The following SLC8A1 variants were observed in gnomAD, a reference collection of about 807,000 sequenced individuals.
SLC8A1 encodes sodium/calcium exchanger 1.
A neutral mutation model predicts 68.3 loss-of-function variants in SLC8A1; 18 were observed. The observed-to-expected ratio is 0.26, with a 90% CI of 0.18 to 0.39. The LOEUF (loss-of-function observed/expected upper bound fraction) is 0.39, where lower values mean the gene tolerates loss of function less well. Ranked by LOEUF, SLC8A1 falls within the 10% of genes least tolerant of loss-of-function variation. SLC8A1 has a pLI of 1.00. For synonymous variants in SLC8A1, 475 were observed against 415.5 expected, an observed-to-expected ratio of 1.14 and a Z score of -1.74; for missense variants, 985 against 1,156.7, an observed-to-expected ratio of 0.85 and a Z score of 2.15.
intron 2 of SLC8A1, among the ~76,000 whole-genome samples, chr2:40,286,665 C>G (rs2068365435): frequency 6.6e-6 from 1 of 152,176 alleles, no homozygotes. Context: ...CCACTGATGA[C>G]TTTCTCCATG....
At chr2:40,160,931 G>C (rs985600692) in intron 5 of SLC8A1, 67 bp from the exon 9 acceptor site, 1 of 1,187,814 alleles carries the variant, frequency 8.4e-7, no homozygotes, top group Non-Finnish European at 1.2e-6. Flanking sequence ...CCAAGACCTT[G>C]TTGATTTTGA....
intron 2 of SLC8A1, among the ~76,000 whole-genome samples, chr2:40,238,656 T>C (rs982099406): frequency 3.9e-5 from 6 of 152,192 alleles, no homozygotes; most frequent in Non-Finnish European, 8.8e-5. Context: ...ACTGGCAATA[T>C]TCCCCAAGCT....
rs576452116 is a variant in SLC8A1 at position 40,497,690 on chromosome 2, G to C, written c.-25+14659C>G. 4.6e-5 allele frequency among the ~76,000 whole-genome samples: 7 copies of C among 152,188 alleles called. No homozygotes were observed. The East Asian group carries it at 1.4e-3, about 30-fold the overall frequency. On this transcript the variant is annotated intron_variant, in intron 1 of 7. Coordinates refer to the SLC8A1 transcript ENST00000402441. ...AGTAGTTTGGAATAACTGGGACAAA[G>C]GGTGCTTATGGGGAGACAGTGAGAG...
chr2:40,292,122 AT>A (rs1309040503), intron 2 of SLC8A1, among the ~76,000 whole-genome samples: 3 of 152,156 alleles, frequency 2.0e-5, no homozygotes. Context: ...GTGGAAAGAA[AT>A]TTTAAAAAGA....
chr2:40,308,997 A>C (rs897292079), intron 2 of SLC8A1, among the ~76,000 whole-genome samples: 1 of 152,214 alleles, frequency 6.6e-6, no homozygotes, highest in Non-Finnish European at 1.5e-5. Flanking sequence ...GGAGATGTTG[A>C]AATTGCATTC....
chr2:40,144,164 T>C (rs2042053762), intron 6 of SLC8A1, among the ~76,000 whole-genome samples: 1 of 152,200 alleles, frequency 6.6e-6, no homozygotes, highest in Admixed American at 6.5e-5. Context: ...GTATATATTC[T>C]GTTTGAATGA....
chr2:40,341,103 T>A (rs2149407561), intron 2 of SLC8A1, among the ~76,000 whole-genome samples: 1 of 152,284 alleles, frequency 6.6e-6, no homozygotes, highest in African/African-American at 2.4e-5. Context: ...AACCAGAAAG[T>A]AACTCACCCT....
intron 2 of SLC8A1, among the ~76,000 whole-genome samples, chr2:40,424,493 A>G (rs1037124429): frequency 2.0e-5 from 3 of 151,824 alleles, no homozygotes; most frequent in Non-Finnish European, 4.4e-5. Flanking sequence ...CTTTTTTCCA[A>G]AAAGAGTAAA....
chr2:40,181,151 G>C (rs186004856), intron 2 of SLC8A1, among the ~76,000 whole-genome samples: 106 of 152,190 alleles, frequency 7.0e-4, no homozygotes, highest in African/African-American at 2.3e-3. Context: ...GTAGAGACAG[G>C]GTTTCACCAT....
At chr2:40,309,502 C>CTTTTTTTT (rs34863585) in intron 2 of SLC8A1, among the ~76,000 whole-genome samples, 8 of 123,290 alleles carry the variant, frequency 6.5e-5, no homozygotes, top group Non-Finnish European at 1.2e-4. Flanking sequence ...GAATATTTTA[C>CTTTTTTTT]TTTTTTTTTT....
rs192543748 is a variant in SLC8A1, at chr2:40,459,811, A to G, written c.-24-29507T>C. The stretch of plus-strand genomic sequence containing the variant: ...CAGTGCTGCTTTCTATGGGTCCATC[A>G]TACCTCCTTTTCCTTTTTCCTGAAT... On this transcript the variant is annotated intron_variant, in intron 1 of 7. Coordinates refer to the SLC8A1 transcript ENST00000402441. Among the ~76,000 whole-genome samples the G allele has an allele frequency of 5.3e-3, 811 of 152,116 alleles. 4 individuals carry two copies. Among genetic ancestry groups the G allele is most frequent in the Middle Eastern group, 0.02 (6 of 294 alleles).
At chr2:40,307,885 G>C (rs193123790) in intron 2 of SLC8A1, among the ~76,000 whole-genome samples, 1 of 152,116 alleles carries the variant, frequency 6.6e-6, no homozygotes, top group Non-Finnish European at 1.5e-5. Flanking sequence ...ACTGATTTTT[G>C]ATCATGTAAC....
chr2:40,449,342 T>C lies in SLC8A1; in HGVS notation c.-25+2562A>G, dbSNP rs147907452. On this transcript the variant is annotated intron_variant, in intron 1 of 7. Coordinates refer to ENST00000406785, the Ensembl canonical transcript of SLC8A1. Reference sequence around the variant, plus strand: ...TCATTTATTTTGTCAAAGAAATAGATTGAATACTAAGAGGAATCATGTGTT... The same window carrying C: ...TCATTTATTTTGTCAAAGAAATAGACTGAATACTAAGAGGAATCATGTGTT... Among the ~76,000 whole-genome samples, 947 of 152,292 alleles carry C rather than the reference T, an allele frequency of 6.2e-3. 13 individuals are homozygous for C. Among genetic ancestry groups the C allele is most frequent in the African/African-American group, 0.021 (893 of 41,556 alleles).
intron 2 of SLC8A1, among the ~76,000 whole-genome samples, chr2:40,423,558 G>A (rs1351879907): frequency 6.6e-6 from 1 of 151,980 alleles, no homozygotes; most frequent in East Asian, 1.9e-4. Flanking sequence ...CTTGAATGAT[G>A]ACTAAGAAAA....
At chr2:40,458,560 T>C (rs1433645571) in intron 1 of SLC8A1, among the ~76,000 whole-genome samples, 1 of 152,082 alleles carries the variant, frequency 6.6e-6, no homozygotes, top group African/African-American at 2.4e-5. Flanking sequence ...GTGGCTGCAG[T>C]TCAGGCTCTG....
chr2:40,306,610 C>T (rs966538334), intron 2 of SLC8A1, among the ~76,000 whole-genome samples: 2 of 152,108 alleles, frequency 1.3e-5, no homozygotes, highest in Non-Finnish European at 2.9e-5. Context: ...TTCACAGTTG[C>T]CAAAGGAAAG....
At chr2:40,462,119 G>T (rs1559747673) in intron 1 of SLC8A1, among the ~76,000 whole-genome samples, 1 of 146,442 alleles carries the variant, frequency 6.8e-6, no homozygotes, top group Non-Finnish European at 1.5e-5. Flanking sequence ...CAATTCTCCT[G>T]CCTGAGCCTC....
chr2:40,306,033 T>C (rs1553489466), intron 2 of SLC8A1, among the ~76,000 whole-genome samples: 1 of 152,226 alleles, frequency 6.6e-6, no homozygotes, highest in Non-Finnish European at 1.5e-5. Flanking sequence ...TTACAGGTTT[T>C]GGGAGGATGA....
intron 1 of SLC8A1, among the ~76,000 whole-genome samples, chr2:40,470,780 T>C (rs554891507): frequency 6.6e-6 from 1 of 152,148 alleles, no homozygotes; most frequent in East Asian, 1.9e-4. Context: ...CTTAATTTTT[T>C]CACAATTAAC....
Sources: allele counts gnomAD v4.1 joint callset (sites outside exome capture counted in the v4.1 genomes callset), GRCh38; gene constraint gnomAD v4.1.1; transcripts MANE v1.5; gene names NCBI Gene and HGNC (gene_info 2026-07-23, HGNC 2026-07-21).